The following GALNTL6 variants were observed in gnomAD, a reference collection of about 807,000 sequenced individuals.
GALNTL6 encodes polypeptide N-acetylgalactosaminyltransferase-like 6.
GALNTL6 carries 46 observed loss-of-function variants against 73.7 expected under a neutral mutation model. That is an observed-to-expected ratio of 0.62 (90% CI 0.49 to 0.80). The LOEUF (loss-of-function observed/expected upper bound fraction) is 0.80. Among genes scored for constraint, GALNTL6 ranks in the 30% least tolerant of loss-of-function variants. The pLI is 0.00. For missense variants in GALNTL6, 604 were observed against 755.0 expected (o/e 0.80, Z 2.34); for synonymous variants, 259 against 263.7 (o/e 0.98, Z 0.17).
At chr4:171,947,311 G>A (rs1005445288) in intron 2 of GALNTL6, among the ~76,000 whole-genome samples, 1 of 152,008 alleles carries the variant, frequency 6.6e-6, no homozygotes, top group Non-Finnish European at 1.5e-5. Context: ...GCACCTGGCA[G>A]GGTTGAGAAG....
At chr4:171,927,055 G>A (rs1393579473) in intron 2 of GALNTL6, among the ~76,000 whole-genome samples, 2 of 151,792 alleles carry the variant, frequency 1.3e-5, no homozygotes, top group Non-Finnish European at 2.9e-5. Context: ...GTGTTAAGGG[G>A]TGGTGATTTT....
intron 5 of GALNTL6, among the ~76,000 whole-genome samples, chr4:172,471,023 T>C (rs895890375): frequency 6.6e-6 from 1 of 152,130 alleles, no homozygotes; most frequent in Non-Finnish European, 1.5e-5. Context: ...AATGAGAAAA[T>C]GATTCAGAGG....
chr4:171,941,076 A>G (rs1006384925), intron 2 of GALNTL6, among the ~76,000 whole-genome samples: 5 of 152,098 alleles, frequency 3.3e-5, no homozygotes, highest in African/African-American at 9.7e-5. Context: ...ATTAGAATCT[A>G]TATTTACTTC....
chr4:171,939,715 G>A (rs1222470965), intron 2 of GALNTL6, among the ~76,000 whole-genome samples: 1 of 151,886 alleles, frequency 6.6e-6, no homozygotes, highest in Non-Finnish European at 1.5e-5. Flanking sequence ...GATATCTGCT[G>A]AATTAATAAA....
intron 5 of GALNTL6, among the ~76,000 whole-genome samples, chr4:172,487,073 G>A (rs1437868527): frequency 6.6e-6 from 1 of 152,032 alleles, no homozygotes; most frequent in Non-Finnish European, 1.5e-5. Flanking sequence ...AACCTAAGAA[G>A]CTCAATCTGG....
At chr4:172,487,367 C>CTTTTCTT (rs367687754) in intron 5 of GALNTL6, among the ~76,000 whole-genome samples, 3 of 86,992 alleles carry the variant, frequency 3.4e-5, no homozygotes, top group African/African-American at 1.2e-4. Flanking sequence ...TCCTTCTTTC[C>CTTTTCTT]TTCTTTTCTT....
chr4:172,288,324 C>G (rs1739339411), intron 3 of GALNTL6, among the ~76,000 whole-genome samples: 1 of 152,060 alleles, frequency 6.6e-6, no homozygotes, highest in African/African-American at 2.4e-5. Context: ...ATCTCCTGAC[C>G]TCGTGATCCG....
intron 5 of GALNTL6, among the ~76,000 whole-genome samples, chr4:172,762,283 T>A (rs1041235395): frequency 6.6e-6 from 1 of 152,178 alleles, no homozygotes; most frequent in Non-Finnish European, 1.5e-5. Context: ...GCTGACAGAT[T>A]CAAATATTCA....
chr4:172,380,096 T>A, intron 5 of GALNTL6: 2 of 975,186 alleles, frequency 2.1e-6, no homozygotes, highest in South Asian at 1.3e-5. Flanking sequence ...GCTTCGTTGG[T>A]GTTTCCACTG....
intron 5 of GALNTL6, among the ~76,000 whole-genome samples, chr4:172,433,781 C>T (rs1050953436): frequency 6.6e-5 from 10 of 151,982 alleles, no homozygotes; most frequent in African/African-American, 2.2e-4. Flanking sequence ...AGTCCTACCA[C>T]TATTGGTTCT....
intron 4 of GALNTL6, among the ~76,000 whole-genome samples, chr4:172,323,443 A>G (rs1464479163): frequency 6.6e-6 from 1 of 152,168 alleles, no homozygotes; most frequent in Admixed American, 6.6e-5. Flanking sequence ...CTTGGAAATG[A>G]CTTATACATA....
At chr4:172,645,753 G>C (rs1740214918) in intron 5 of GALNTL6, among the ~76,000 whole-genome samples, 1 of 151,944 alleles carries the variant, frequency 6.6e-6, no homozygotes, top group African/African-American at 2.4e-5. Context: ...TTTATGCTTA[G>C]GTTTGATGAA....
chr4:172,151,938 A>ATATC lies in GALNTL6; in HGVS notation c.139-77670_139-77667dup, dbSNP rs10528560. 9.6e-3 allele frequency among the ~76,000 whole-genome samples: 1,400 copies of ATATC among 146,518 alleles called. 8 individuals are homozygous for ATATC. The highest frequency in any genetic ancestry group is 0.018 in the African/African-American group (725 of 39,538). On this transcript the variant is annotated intron_variant, in intron 2 of 12. Coordinates refer to ENST00000506823, the MANE Select transcript of GALNTL6 (RefSeq NM_001034845.3). ...TATCTATAATCTATAATATAAATTT[A>ATATC]TATCTATCTATCTATCTATCTATCT...
At chr4:172,910,611 G>A (rs1391770248) in intron 8 of GALNTL6, among the ~76,000 whole-genome samples, 1 of 152,220 alleles carries the variant, frequency 6.6e-6, no homozygotes, top group Non-Finnish European at 1.5e-5. Flanking sequence ...CTGCATTCAT[G>A]TGTTAATATA....
At chr4:172,957,441 G>T (rs944107869) in intron 10 of GALNTL6, among the ~76,000 whole-genome samples, 9 of 152,148 alleles carry the variant, frequency 5.9e-5, no homozygotes, top group African/African-American at 1.9e-4. Context: ...AGGGCAGCGG[G>T]GCAGTAGGTG....
At chr4:172,925,234 A>C (rs996997818) in intron 8 of GALNTL6, among the ~76,000 whole-genome samples, 1 of 151,826 alleles carries the variant, frequency 6.6e-6, no homozygotes, top group Non-Finnish European at 1.5e-5. Context: ...AATAAATCGC[A>C]GGATTCTATA....
chr4:171,838,140 T>TTTG (rs1735148627), intron 2 of GALNTL6, among the ~76,000 whole-genome samples: 3 of 151,912 alleles, frequency 2.0e-5, no homozygotes, highest in Non-Finnish European at 4.4e-5. Context: ...ATTTATTTTT[T>TTTG]GAGACAGAGT....
Position 172,651,101 on chromosome 4 carries a change from G to T in GALNTL6, c.554-158260G>T, listed in dbSNP as rs1325722531. 2.0e-5 allele frequency among the ~76,000 whole-genome samples: 3 copies of T among 152,086 alleles called. No individual in the cohort carries two copies. In the East Asian group the frequency reaches 5.8e-4, roughly 29 times the overall value. On this transcript the variant is annotated intron_variant, in intron 5 of 12. Coordinates refer to ENST00000506823, the MANE Select transcript of GALNTL6 (RefSeq NM_001034845.3). Reference sequence around the variant, plus strand: ...CTTAGTCAATTTTTAGGCAAATGTTGTACACCACACTGTCTTATTAGTCCA... The same window carrying T: ...CTTAGTCAATTTTTAGGCAAATGTTTTACACCACACTGTCTTATTAGTCCA...
chr4:172,745,912 G>A (rs1249028887), intron 5 of GALNTL6, among the ~76,000 whole-genome samples: 9 of 152,090 alleles, frequency 5.9e-5, no homozygotes, highest in Admixed American at 6.6e-5. Context: ...ATGGAGTGTG[G>A]CAGAGTCAAA....
Sources: gnomAD v4.1 joint callset for allele counts (sites outside exome capture counted in the v4.1 genomes callset) on GRCh38, gnomAD v4.1.1 for gene constraint, MANE v1.5 for transcripts, NCBI Gene and HGNC (gene_info 2026-07-23, HGNC 2026-07-21) for gene names.